The following CELF2 variants were observed in gnomAD, a reference collection of about 807,000 sequenced individuals.
The protein encoded by CELF2 is CUG triplet repeat RNA-binding protein 2.
In CELF2, 8 loss-of-function variants were observed where a neutral mutation model predicts 62.6. The observed-to-expected ratio is 0.13, with a 90% CI of 0.07 to 0.23. The LOEUF (loss-of-function observed/expected upper bound fraction) is 0.23. Among genes scored for constraint, CELF2 ranks in the 10% least tolerant of loss-of-function variants. The pLI, the probability that CELF2 is intolerant of heterozygous loss-of-function variation, is 1.00. For missense variants in CELF2, 333 were observed against 671.0 expected, an observed-to-expected ratio of 0.50 and a Z score of 5.56; for synonymous variants, 258 against 250.0, an observed-to-expected ratio of 1.03 and a Z score of -0.30.
rs949578526 is a variant in CELF2, at chr10:10,934,099, G to A, written c.89+14100G>A. Among the ~76,000 whole-genome samples, 3 of 152,118 alleles carry A rather than the reference G, an allele frequency of 2.0e-5. No homozygotes were observed. Among genetic ancestry groups the A allele is most frequent in the South Asian group, 2.1e-4 (1 of 4,822 alleles). ...TTCCCTTTCTCCAATCAGTGCCAGCGTTTCTTATTTTGCGTCTTTTTTGTA... is the reference window on the plus strand; with the variant it reads ...TTCCCTTTCTCCAATCAGTGCCAGCATTTCTTATTTTGCGTCTTTTTTGTA... On this transcript the variant is annotated intron_variant, in intron 2 of 13. Transcript: ENST00000636488. This position sits in a 1 kb window ranked among gnomAD's most constrained non-coding sequence, Gnocchi z 4.4.
In CELF2 at chr10:10,928,626, C is replaced by T. The variant is rs2065775836; in HGVS notation, c.89+8627C>T. Among the ~76,000 whole-genome samples, 1 of 152,146 alleles carries T rather than the reference C, an allele frequency of 6.6e-6. No individual in the cohort carries two copies. Among genetic ancestry groups the T allele is most frequent in the Admixed American group, 6.5e-5 (1 of 15,268 alleles). On this transcript the variant is annotated intron_variant, in intron 2 of 13. Coordinates refer to the CELF2 transcript ENST00000636488. This position sits in a 1 kb window ranked among gnomAD's most constrained non-coding sequence, Gnocchi z 4.8. ...CCAAACTGAAAATATTTACTGTTTA[C>T]TTTTATAGAAAGGTTTGCTGACCAC...
intron 1 of CELF2, among the ~76,000 whole-genome samples, chr10:10,855,014 C>T (rs2059620053): frequency 6.6e-6 from 1 of 152,146 alleles, no homozygotes; most frequent in African/African-American, 2.4e-5. Context: ...CAGTCAAAGT[C>T]AATCTTCACC....
At chr10:10,853,140 G>A (rs1467471169) in intron 1 of CELF2, among the ~76,000 whole-genome samples, 2 of 152,050 alleles carry the variant, frequency 1.3e-5, no homozygotes, top group Non-Finnish European at 2.9e-5. Context: ...CACCATGCCC[G>A]GCTAATTTTT....
chr10:10,768,596 T>C, the CELF2 span, among the ~76,000 whole-genome samples: 1 of 150,684 alleles, frequency 6.6e-6, no homozygotes. Context: ...TTTTTTAAGA[T>C]GGAGTGTCAT....
the CELF2 span, among the ~76,000 whole-genome samples, chr10:10,548,282 T>C: frequency 6.8e-4 from 103 of 152,354 alleles, no homozygotes; most frequent in African/African-American, 2.4e-3. Context: ...ATAATTACTA[T>C]AGCAAGTATG....
At chr10:10,693,771 T>C in the CELF2 span, among the ~76,000 whole-genome samples, 1 of 151,522 alleles carries the variant, frequency 6.6e-6, no homozygotes, top group Non-Finnish European at 1.5e-5. Flanking sequence ...TTTATCCATT[T>C]CTTCTAGATT....
In CELF2 at chr10:11,178,855, A is replaced by G. The variant is rs1474942356; in HGVS notation, c.271+13173A>G. 1.3e-5 allele frequency among the ~76,000 whole-genome samples: 2 copies of G among 152,216 alleles called. No individual in the cohort carries two copies. Among genetic ancestry groups the G allele is most frequent in the Non-Finnish European group, 2.9e-5 (2 of 68,034 alleles). ...ACCCATTGGTCGGGCTGCCCTAGCAACACAGAATGCTGTGCTGACACATAC... is the reference window on the plus strand; with the variant it reads ...ACCCATTGGTCGGGCTGCCCTAGCAGCACAGAATGCTGTGCTGACACATAC... On this transcript the variant is annotated intron_variant, in intron 2 of 12. Transcript: ENST00000633077. The surrounding 1 kb of genome is among the most constrained non-coding windows in gnomAD (Gnocchi z 4.3).
intron 1 of CELF2, among the ~76,000 whole-genome samples, chr10:11,065,129 A>T (rs1192779600): frequency 6.6e-6 from 1 of 152,236 alleles, no homozygotes; most frequent in Admixed American, 6.5e-5. Context: ...TTCATAACTT[A>T]AGGAGCTCAC....
intron 2 of CELF2, among the ~76,000 whole-genome samples, chr10:10,971,839 G>C (rs1045443070): frequency 6.6e-6 from 1 of 152,040 alleles, no homozygotes; most frequent in Non-Finnish European, 1.5e-5. Flanking sequence ...CACCCACCTC[G>C]ATCTCCCAAA....
At chr10:10,878,606 T>C (rs1421339929) in intron 1 of CELF2, among the ~76,000 whole-genome samples, 1 of 152,140 alleles carries the variant, frequency 6.6e-6, no homozygotes, top group Non-Finnish European at 1.5e-5. Flanking sequence ...TACCCTCCAC[T>C]TCAGCCTCAG....
the CELF2 span, among the ~76,000 whole-genome samples, chr10:10,618,775 G>A: frequency 2.0e-5 from 3 of 152,038 alleles, no homozygotes; most frequent in African/African-American, 4.8e-5. Flanking sequence ...TAAAAGTAGA[G>A]GTTTGATAGG....
At chr10:11,004,241 C>T (rs148632031), upstream of CELF2, among the ~76,000 whole-genome samples, 12 of 152,176 alleles carry the variant, frequency 7.9e-5, no homozygotes, top group East Asian at 1.9e-4. The surrounding 1 kb of genome is among the most constrained non-coding windows in gnomAD (Gnocchi z 5.0). Context: ...AGAATGGGAG[C>T]GGGACCAGGA....
Position 10,998,783 on chromosome 10 carries a change from A to T in CELF2, c.89+78784A>T, listed in dbSNP as rs192642309. ...GAAGCAAAAATTACACTGGCTTCTGATTCTTGTTCCTGGCCTATAGGACAC... is the reference window on the plus strand; with the variant it reads ...GAAGCAAAAATTACACTGGCTTCTGTTTCTTGTTCCTGGCCTATAGGACAC... On this transcript the variant is annotated intron_variant, in intron 2 of 13. Transcript: ENST00000636488. 7.8e-4 allele frequency among the ~76,000 whole-genome samples: 118 copies of T among 152,238 alleles called. 2 individuals are homozygous for T. Among genetic ancestry groups the T allele is most frequent in the Non-Finnish European group, 1.5e-3 (99 of 68,026 alleles).
chr10:10,754,577 T>G, the CELF2 span, among the ~76,000 whole-genome samples: 3 of 152,244 alleles, frequency 2.0e-5, no homozygotes, highest in African/African-American at 7.2e-5. Flanking sequence ...TGTCTTAGAA[T>G]TTCATGATTT....
At chr10:11,219,780 A>G (rs1288907016) in intron 3 of CELF2, among the ~76,000 whole-genome samples, 3 of 152,262 alleles carry the variant, frequency 2.0e-5, no homozygotes, top group Non-Finnish European at 4.4e-5. Flanking sequence ...AGATTAATGC[A>G]TATTCTTGGA....
chr10:10,624,429 A>G, the CELF2 span, among the ~76,000 whole-genome samples: 5,299 of 152,302 alleles, frequency 0.035, 204 homozygotes, highest in African/African-American at 0.098. Flanking sequence ...ATTGGTCTGC[A>G]TCTACACAAG....
chr10:11,027,314 G>A (rs754193587), intron 1 of CELF2, among the ~76,000 whole-genome samples: 4 of 151,918 alleles, frequency 2.6e-5, no homozygotes, highest in African/African-American at 7.3e-5. Context: ...TTTCTTTTAC[G>A]CTCTGATGTC....
chr10:10,969,353 CAGGGG>C, intron 2 of CELF2, among the ~76,000 whole-genome samples: 1 of 152,290 alleles, frequency 6.6e-6, no homozygotes, highest in South Asian at 2.1e-4. Flanking sequence ...GGAGAAACAT[CAGGGG>C]TGAGTGATCT....
At chr10:10,986,271 A>G (rs2052738786) in intron 2 of CELF2, among the ~76,000 whole-genome samples, 1 of 152,228 alleles carries the variant, frequency 6.6e-6, no homozygotes, top group Admixed American at 6.5e-5. Flanking sequence ...GCTAGAATCT[A>G]GGATAAATCA....
Sources: gnomAD v4.1 joint callset for allele counts (sites outside exome capture counted in the v4.1 genomes callset) on GRCh38, gnomAD v4.1.1 for gene constraint, Gnocchi (gnomAD v3.1) non-coding constraint, MANE v1.5 for transcripts, NCBI Gene and HGNC (gene_info 2026-07-23, HGNC 2026-07-21) for gene names.